The following EMILIN2 variants were observed in gnomAD, a reference collection of about 807,000 sequenced individuals.
EMILIN2 encodes the protein EMILIN-2.
EMILIN2 carries 71 observed loss-of-function variants against 87.1 expected under a neutral mutation model. The observed-to-expected ratio is 0.82, with a 90% CI of 0.67 to 0.99. EMILIN2 has a LOEUF of 0.99. Ranked by LOEUF, EMILIN2 falls within the 50% of genes least tolerant of loss-of-function variation. EMILIN2 has a pLI of 0.00. For missense variants in EMILIN2, 1,407 were observed against 1,371.8 expected (o/e 1.03, Z -0.40); for synonymous variants, 581 against 563.4 (o/e 1.03, Z -0.44).
chr18:2,882,050 G>A (rs1258548995), intron 2 of EMILIN2, among the ~76,000 whole-genome samples: 1 of 152,254 alleles, frequency 6.6e-6, no homozygotes, highest in Non-Finnish European at 1.5e-5. Flanking sequence ...TGTGTGGGGT[G>A]CAGGGAGGAG....
chr18:2,898,452 A>AG (rs1456212850), intron 4 of EMILIN2, among the ~76,000 whole-genome samples: 2 of 152,178 alleles, frequency 1.3e-5, no homozygotes, highest in Non-Finnish European at 2.9e-5. Context: ...AGAGGAAGGA[A>AG]GGGGTGCTGG....
chr18:2,860,700 A>G (rs1472001302), intron 2 of EMILIN2, among the ~76,000 whole-genome samples: 3 of 152,168 alleles, frequency 2.0e-5, no homozygotes, highest in Non-Finnish European at 2.9e-5. Context: ...ATAAACATAC[A>G]TGTGCATGTG....
intron 4 of EMILIN2, chr18:2,906,261 C>G (rs573997349): frequency 7.2e-5 from 11 of 152,606 alleles, no homozygotes; most frequent in African/African-American, 2.4e-4. Flanking sequence ...GTCCCTTCCG[C>G]TGGCGACGTG....
intron 2 of EMILIN2, among the ~76,000 whole-genome samples, chr18:2,867,902 G>A (rs1243038049): frequency 1.3e-5 from 2 of 151,950 alleles, no homozygotes; most frequent in East Asian, 1.9e-4. Flanking sequence ...GGGCAGAGGG[G>A]CTCCTCACTT....
At position 2,909,798 on chromosome 18, in the gene EMILIN2, G is replaced by C; in HGVS notation, c.2803G>C (p.Asp935His). ...LFNKVLVNDG[D>H]VYNPSTGVFT... ...TAACAAAGTGCTGGTGAACGACGGG[G>C]ATGTTTACAACCCCAGCACCGGTGA... The change falls in exon 7 of 8, where the codon GAT becomes CAT. Residue 935 changes from aspartate (D) to histidine (H), a missense_variant. Asp to His is a moderately conservative substitution (Grantham distance 81, BLOSUM62 -1). Coordinates refer to ENST00000254528, the MANE Select transcript of EMILIN2 (RefSeq NM_032048.3). The C allele has an allele frequency of 6.2e-7, 1 of 1,613,612 alleles. No homozygotes were observed. Among genetic ancestry groups the C allele is most frequent in the Non-Finnish European group, 8.5e-7 (1 of 1,179,798 alleles).
intron 2 of EMILIN2, among the ~76,000 whole-genome samples, chr18:2,878,350 T>A (rs2144011829): frequency 6.6e-6 from 1 of 151,858 alleles, no homozygotes; most frequent in Non-Finnish European, 1.5e-5. Flanking sequence ...TTTAGCCAGG[T>A]GTGGTGGCAG....
At chr18:2,905,314 G>A (rs1481241636) in intron 4 of EMILIN2, among the ~76,000 whole-genome samples, 6 of 139,988 alleles carry the variant, frequency 4.3e-5, no homozygotes, top group East Asian at 2.1e-4. Flanking sequence ...GGGGGGGCAT[G>A]TATTTGATCT....
Position 2,880,939 on chromosome 18 carries a change from C to T in EMILIN2, c.258-4025C>T, listed in dbSNP as rs1405663748. 1.3e-5 allele frequency among the ~76,000 whole-genome samples: 2 copies of T among 152,214 alleles called. No individual in the cohort carries two copies. Among genetic ancestry groups the T allele is most frequent in the African/African-American group, 2.4e-5 (1 of 41,468 alleles). On this transcript the variant is annotated intron_variant, in intron 2 of 7. Coordinates refer to ENST00000254528, the MANE Select transcript of EMILIN2 (RefSeq NM_032048.3). The surrounding 1 kb of genome is among the most constrained non-coding windows in gnomAD (Gnocchi z 4.1). ...TTAAGGTATAATTTTGCTGAAAATTCCTTGGCATTTTCTAAAGCTCACTAG... is the reference window on the plus strand; with the variant it reads ...TTAAGGTATAATTTTGCTGAAAATTTCTTGGCATTTTCTAAAGCTCACTAG...
Position 2,891,020 on chromosome 18 carries a change from A to C in EMILIN2, c.893A>C (p.Gln298Pro). The stretch of plus-strand genomic sequence containing the variant: ...TACGAAGGGCAGCTCAGACAGCTCC[A>C]GGAAGCAGCTCAGGGCCCGACGGTG... ...KGYEGQLRQL[Q>P]EAAQGPTVTM... The change falls in exon 4 of 8, where the codon CAG (glutamine) becomes CCG (proline). Residue 298 changes from glutamine (Q) to proline (P), a missense_variant. Gln to Pro is a moderately conservative substitution (Grantham distance 76). Coordinates refer to ENST00000254528, the MANE Select transcript of EMILIN2 (RefSeq NM_032048.3). The surrounding 1 kb of genome is among the most constrained non-coding windows in gnomAD (Gnocchi z 4.6). 6.2e-7 allele frequency: 1 copy of C among 1,614,236 alleles called. No individual in the cohort carries two copies. The highest frequency in any genetic ancestry group is 8.5e-7 in the Non-Finnish European group (1 of 1,180,046).
At chr18:2,868,685 A>T (rs962944519) in intron 2 of EMILIN2, among the ~76,000 whole-genome samples, 2 of 152,178 alleles carry the variant, frequency 1.3e-5, no homozygotes, top group Non-Finnish European at 2.9e-5. Context: ...AATCGCAGGC[A>T]CTCGGCAGGC....
chr18:2,847,310 GC>G lies in EMILIN2; in HGVS notation c.123del (p.Ser41ArgfsTer12). 1 of 1,318,682 alleles carries G rather than the reference GC, an allele frequency of 7.6e-7. No individual in the cohort carries two copies. Among genetic ancestry groups the G allele is most frequent in the East Asian group, 3.2e-5 (1 of 31,604 alleles). The allele number at this position is 1,318,682 out of a possible 1,614,324, so 81.7% of individuals were successfully genotyped here. On this transcript the variant is annotated frameshift_variant, in exon 1 of 8. Coordinates refer to ENST00000254528, the MANE Select transcript of EMILIN2 (RefSeq NM_032048.3). LOFTEE classifies it high-confidence loss of function. This position sits in a 1 kb window ranked among gnomAD's most constrained non-coding sequence, Gnocchi z 4.5. Reference sequence around the variant, plus strand: ...CAGCCCGGGTATCCCGCGCGGCCCAGCGCCAGGAACAAGTAAGTGCGCGCCC... The same window carrying G: ...CAGCCCGGGTATCCCGCGCGGCCCAGGCCAGGAACAAGTAAGTGCGCGCCC... ...GPQPGYPARP[S>X]ARNKNWCAYI...
chr18:2,887,604 T>G (rs2076809490), intron 3 of EMILIN2, among the ~76,000 whole-genome samples: 1 of 152,170 alleles, frequency 6.6e-6, no homozygotes, highest in African/African-American at 2.4e-5. Flanking sequence ...TCTTTTCACC[T>G]TCCGTCATGA....
chr18:2,913,635 C>T lies in EMILIN2; in HGVS notation c.*231C>T, dbSNP rs1454991512. ...TGACTTTTCTGCCACTCTAACTGGA[C>T]AACTGGAAGACTTGGAAAGGCCTCC... On this transcript the variant is annotated 3_prime_UTR_variant, in exon 8 of 8. Transcript: ENST00000254528. 9 of 508,654 alleles carry T rather than the reference C, an allele frequency of 1.8e-5. No individual in the cohort carries two copies. Among genetic ancestry groups the T allele is most frequent in the Middle Eastern group, 5.2e-4 (1 of 1,932 alleles). The allele number at this position is 508,654 out of a possible 1,614,324, so 31.5% of individuals were successfully genotyped here.
Position 2,889,195 on chromosome 18 carries a change from C to T in EMILIN2, c.434-1366C>T, listed in dbSNP as rs181199987. On this transcript the variant is annotated intron_variant, in intron 3 of 7. Coordinates refer to ENST00000254528, the MANE Select transcript of EMILIN2 (RefSeq NM_032048.3). ...CTCTGTTGCCCAGACTGGAGTACAG[C>T]GGCACTATGTCGGCTCACTGCAACC... is the stretch of plus-strand genomic sequence containing the variant. 8.2e-4 allele frequency among the ~76,000 whole-genome samples: 108 copies of T among 131,810 alleles called. No individual in the cohort carries two copies. The East Asian group carries it at 0.012, about 15-fold the overall frequency. 86.5% of individuals were successfully genotyped at this position (131,810 alleles called of 152,430 possible).
chr18:2,854,548 T>C (rs2076617707), intron 2 of EMILIN2, among the ~76,000 whole-genome samples: 1 of 152,118 alleles, frequency 6.6e-6, no homozygotes, highest in African/African-American at 2.4e-5. Flanking sequence ...ATTCCAGCAC[T>C]TTGGGAGGCT....
intron 2 of EMILIN2, among the ~76,000 whole-genome samples, chr18:2,883,348 G>A (rs1211685354): frequency 6.6e-6 from 1 of 152,110 alleles, no homozygotes; most frequent in Non-Finnish European, 1.5e-5. Flanking sequence ...TGCTGCTATT[G>A]TCCCGCCTCC....
intron 3 of EMILIN2, among the ~76,000 whole-genome samples, chr18:2,889,377 A>G (rs767601041): frequency 1.2e-4 from 18 of 151,694 alleles, no homozygotes; most frequent in Non-Finnish European, 2.4e-4. Context: ...TCCTCAAGCA[A>G]TCCACCCACC....
At position 2,891,600 on chromosome 18, in the gene EMILIN2, T is replaced by C. The variant is rs2076836864; in HGVS notation, c.1473T>C (p.Asp491=). Residue 491 remains aspartate (D), a synonymous_variant, in exon 4 of 8, where the codon GAT becomes GAC. Coordinates refer to ENST00000254528, the MANE Select transcript of EMILIN2 (RefSeq NM_032048.3). The surrounding 1 kb of genome is among the most constrained non-coding windows in gnomAD (Gnocchi z 4.6). ...TGGGTGACTTGAAGCAGCTTGTTGA[T>C]CAGAAAATACAGTCTCTGGAAGACC... ...GEVGDLKQLV[D]QKIQSLEDRL... 1 of 1,613,904 alleles carries C rather than the reference T, an allele frequency of 6.2e-7. No homozygotes were observed. Among genetic ancestry groups the C allele is most frequent in the Admixed American group, 1.7e-5 (1 of 60,002 alleles).
At position 2,847,807 on chromosome 18, in the gene EMILIN2, A is replaced by G; in HGVS notation, c.135-2A>G. 6.2e-7 allele frequency: 1 copy of G among 1,612,938 alleles called. No homozygotes were observed. The highest frequency in any genetic ancestry group is 8.5e-7 in the Non-Finnish European group (1 of 1,179,738). On this transcript the variant is annotated splice_acceptor_variant, in intron 1 of 7. Coordinates refer to ENST00000254528, the MANE Select transcript of EMILIN2 (RefSeq NM_032048.3). LOFTEE classifies it high-confidence loss of function. The surrounding 1 kb of genome is among the most constrained non-coding windows in gnomAD (Gnocchi z 4.5). ...CCTCTCCCTCTCTCTCCTGCACCCCAGGAACTGGTGCGCCTACATCGTGAA... is the reference window on the plus strand; with the variant it reads ...CCTCTCCCTCTCTCTCCTGCACCCCGGGAACTGGTGCGCCTACATCGTGAA...
Sources: gnomAD v4.1 joint callset for allele counts (sites outside exome capture counted in the v4.1 genomes callset) on GRCh38, gnomAD v4.1.1 for gene constraint, Gnocchi (gnomAD v3.1) non-coding constraint, MANE v1.5 for transcripts, NCBI Gene and HGNC (gene_info 2026-07-23, HGNC 2026-07-21) for gene names.